The following RFTN2 variants were observed in gnomAD, a reference collection of about 807,000 sequenced individuals.
RFTN2 encodes raftlin family member 2, also known as raftlin-2.
In RFTN2, 34 loss-of-function variants were observed where a neutral mutation model predicts 52.7. That is an observed-to-expected ratio of 0.64 (90% CI 0.49 to 0.86). The LOEUF is 0.86. Ranked by LOEUF, RFTN2 falls within the 40% of genes least tolerant of loss-of-function variation. The pLI is 0.00. For missense variants in RFTN2, 536 were observed against 600.1 expected, an observed-to-expected ratio of 0.89 and a Z score of 1.12; for synonymous variants, 203 against 217.7, an observed-to-expected ratio of 0.93 and a Z score of 0.59.
chr2:197,594,676 CATT>C (rs1163911732), intron 8 of RFTN2, among the ~76,000 whole-genome samples: 5 of 152,160 alleles, frequency 3.3e-5, no homozygotes, highest in Admixed American at 1.3e-4. Context: ...GAGTCATCCT[CATT>C]GTTGTGGAGG....
Position 197,669,708 on chromosome 2 carries a change from C to T in RFTN2, c.139+5612G>A, listed in dbSNP as rs187257068. ...TGCCGTTGCTAATTAGGCAGTAATG[C>T]TCACTGGCCTGCTGCTCACCTCTGG... is the stretch of plus-strand genomic sequence containing the variant. On this transcript the variant is annotated intron_variant, in intron 1 of 8. Coordinates refer to ENST00000295049, the MANE Select transcript of RFTN2 (RefSeq NM_144629.3). 2.6e-5 allele frequency among the ~76,000 whole-genome samples: 4 copies of T among 152,348 alleles called. No individual in the cohort carries two copies. The East Asian group carries it at 7.7e-4, about 29-fold the overall frequency.
At chr2:197,644,306 C>G in intron 2 of RFTN2, 34 bp from the exon 3 acceptor site, 1 of 1,166,486 alleles carries the variant, frequency 8.6e-7, no homozygotes, top group Admixed American at 1.7e-5. Flanking sequence ...TGGTTGGAGG[C>G]CAATTGCTGC....
chr2:197,574,584 T>C (rs1216989725), intron 8 of RFTN2, among the ~76,000 whole-genome samples: 1 of 152,150 alleles, frequency 6.6e-6, no homozygotes, highest in Admixed American at 6.5e-5. Flanking sequence ...GTTAAGACTT[T>C]TGGCCGGGTG....
intron 1 of RFTN2, among the ~76,000 whole-genome samples, chr2:197,668,856 C>T (rs1034090027): frequency 1.3e-5 from 2 of 152,106 alleles, no homozygotes; most frequent in African/African-American, 2.4e-5. Context: ...TTTCAGGGCC[C>T]TCAAGGATTG....
Position 197,648,132 on chromosome 2 carries a change from CA to C in RFTN2, c.140-1467del, listed in dbSNP as rs2088779119. ...AAAGAACTGCGGCTGATTGCCTGAGCACAGGAAGGAGGTTAAGAAGCAGATG... is the reference window on the plus strand; with the variant it reads ...AAAGAACTGCGGCTGATTGCCTGAGCCAGGAAGGAGGTTAAGAAGCAGATG... On this transcript the variant is annotated intron_variant, in intron 1 of 8. Transcript: ENST00000295049. Among the ~76,000 whole-genome samples the C allele has an allele frequency of 3.3e-5, 5 of 152,256 alleles. No homozygotes were observed. In the South Asian group the frequency reaches 1.0e-3, roughly 32 times the overall value.
intron 2 of RFTN2, among the ~76,000 whole-genome samples, chr2:197,645,244 T>C (rs2088731360): frequency 6.6e-6 from 1 of 152,230 alleles, no homozygotes; most frequent in South Asian, 2.1e-4. Context: ...CAAATACTTA[T>C]TATTGTGATA....
intron 8 of RFTN2, among the ~76,000 whole-genome samples, chr2:197,589,301 G>A (rs1339647517): frequency 1.4e-5 from 2 of 141,202 alleles, no homozygotes; most frequent in Non-Finnish European, 3.0e-5. Flanking sequence ...CACCATCCAC[G>A]TAAGATGTGA....
chr2:197,670,054 G>A (rs2089122410), intron 1 of RFTN2, among the ~76,000 whole-genome samples: 1 of 152,162 alleles, frequency 6.6e-6, no homozygotes, highest in Admixed American at 6.5e-5. Flanking sequence ...TATGCTTGTG[G>A]AATTCATCTT....
At chr2:197,647,790 C>T (rs2088773813) in intron 1 of RFTN2, among the ~76,000 whole-genome samples, 1 of 152,030 alleles carries the variant, frequency 6.6e-6, no homozygotes, top group African/African-American at 2.4e-5. Context: ...AATTGATTTG[C>T]AATTAAACCA....
At chr2:197,634,718 G>T (rs1474355483) in intron 3 of RFTN2, among the ~76,000 whole-genome samples, 20 of 144,514 alleles carry the variant, frequency 1.4e-4, no homozygotes, top group Non-Finnish European at 2.6e-4. Context: ...TTATTTTTAA[G>T]GATTATTTAT....
intron 7 of RFTN2, among the ~76,000 whole-genome samples, chr2:197,597,356 G>T (rs1233088587): frequency 1.3e-5 from 2 of 152,190 alleles, no homozygotes; most frequent in Non-Finnish European, 1.5e-5. Context: ...GGATTAGCAT[G>T]TGTACAGAAA....
intron 8 of RFTN2, among the ~76,000 whole-genome samples, chr2:197,581,277 A>G (rs1319088124): frequency 6.6e-6 from 1 of 152,140 alleles, no homozygotes; most frequent in Non-Finnish European, 1.5e-5. Context: ...TTGCCTATCC[A>G]TCTTGTGGTG....
chr2:197,583,963 T>C (rs2087553041), intron 8 of RFTN2, among the ~76,000 whole-genome samples: 1 of 73,408 alleles, frequency 1.4e-5, no homozygotes, highest in Non-Finnish European at 2.7e-5. Context: ...GAAATCATCC[T>C]TTTTTATGGC....
chr2:197,649,713 G>A (rs901799348), intron 1 of RFTN2, among the ~76,000 whole-genome samples: 5 of 152,120 alleles, frequency 3.3e-5, no homozygotes, highest in African/African-American at 1.2e-4. Flanking sequence ...CCCTCCCAGA[G>A]CTTTGGGTTA....
intron 5 of RFTN2, among the ~76,000 whole-genome samples, chr2:197,620,831 T>C (rs559116332): frequency 2.6e-5 from 4 of 152,086 alleles, no homozygotes; most frequent in Admixed American, 6.5e-5. Flanking sequence ...CTGGGCATGG[T>C]GGCGCATGCC....
At chr2:197,666,090 C>CT (rs749441744) in intron 1 of RFTN2, among the ~76,000 whole-genome samples, 129 of 145,532 alleles carry the variant, frequency 8.9e-4, no homozygotes, top group East Asian at 1.0e-3. Context: ...GTTTCTTCTT[C>CT]TTTTTTTTTT....
intron 2 of RFTN2, among the ~76,000 whole-genome samples, 168 bp from the exon 3 acceptor site, chr2:197,644,440 T>A (rs2088719264): frequency 6.6e-6 from 1 of 152,216 alleles, no homozygotes; most frequent in Admixed American, 6.5e-5. Context: ...AAAAGCACAA[T>A]AACTTCTATT....
chr2:197,625,101 T>G (rs181090080), intron 5 of RFTN2, among the ~76,000 whole-genome samples: 274 of 152,272 alleles, frequency 1.8e-3, no homozygotes, highest in African/African-American at 6.3e-3. Context: ...TCTCCCACCT[T>G]GGCCTCCCAA....
intron 1 of RFTN2, among the ~76,000 whole-genome samples, chr2:197,666,369 C>T (rs1184059264): frequency 2.0e-5 from 3 of 152,228 alleles, no homozygotes; most frequent in African/African-American, 4.8e-5. Context: ...GACCACTGTG[C>T]CCAGCCCTAT....
Sources: allele counts gnomAD v4.1 joint callset (sites outside exome capture counted in the v4.1 genomes callset), GRCh38; gene constraint gnomAD v4.1.1; transcripts MANE v1.5; gene names NCBI Gene and HGNC (gene_info 2026-07-23, HGNC 2026-07-21).